LINGO2: variants seen among roughly 807,000 people sequenced by gnomAD.
LINGO2 encodes leucine-rich repeat and immunoglobulin-like domain-containing nogo receptor-interacting protein 2.
In LINGO2, 14 loss-of-function variants were observed where a neutral mutation model predicts 30.6. The ratio of observed to expected loss-of-function variants is 0.46; its 90% CI spans 0.30 to 0.72. LINGO2 has a LOEUF of 0.72. Among genes scored for constraint, LINGO2 ranks in the 30% least tolerant of loss-of-function variants. The pLI is 0.07. For missense variants in LINGO2, 729 were observed against 751.7 expected (o/e 0.97, Z 0.35); for synonymous variants, 317 against 288.5 (o/e 1.10, Z -1.00).
intron 2 of LINGO2, among the ~76,000 whole-genome samples, chr9:28,444,316 C>T (rs1191158811): frequency 6.6e-6 from 1 of 152,188 alleles, no homozygotes; most frequent in African/African-American, 2.4e-5. Flanking sequence ...GTTCCCAAAA[C>T]CAAAGCTGCT....
At chr9:28,227,225 A>C (rs1320249483) in intron 4 of LINGO2, among the ~76,000 whole-genome samples, 1 of 152,106 alleles carries the variant, frequency 6.6e-6, no homozygotes, top group African/African-American at 2.4e-5. Flanking sequence ...CAGAACAAGA[A>C]GTAAAATCCA....
At chr9:28,815,917 G>A in the LINGO2 span, among the ~76,000 whole-genome samples, 3 of 152,128 alleles carry the variant, frequency 2.0e-5, no homozygotes, top group African/African-American at 7.2e-5. Flanking sequence ...GGAATACCAC[G>A]GGCTGGGTGA....
rs141242355 is a variant in LINGO2 at position 28,412,021 on chromosome 9, G to C, written c.-278-39153C>G. On this transcript the variant is annotated intron_variant, in intron 2 of 5. Coordinates refer to ENST00000379992, the Ensembl canonical transcript of LINGO2. ...TGAATTGTATAATGGTGAAGTCTGG[G>C]ATTTTAGTGTACCCATTACCTGAGT... is the stretch of plus-strand genomic sequence containing the variant. Among the ~76,000 whole-genome samples, 821 of 151,870 alleles carry C rather than the reference G, an allele frequency of 5.4e-3. 8 individuals are homozygous for C. The highest frequency in any genetic ancestry group is 0.018 in the African/African-American group (754 of 41,474).
chr9:28,916,940 G>A, the LINGO2 span, among the ~76,000 whole-genome samples: 11 of 152,262 alleles, frequency 7.2e-5, no homozygotes, highest in African/African-American at 2.4e-4. Context: ...CCAATACTGG[G>A]GAAAGTGCTC....
the LINGO2 span, among the ~76,000 whole-genome samples, chr9:28,830,594 C>T: frequency 2.0e-5 from 3 of 152,090 alleles, no homozygotes; most frequent in Admixed American, 6.6e-5. Flanking sequence ...GGTAAGAGAA[C>T]CCAACTCCCT....
chr9:28,823,274 T>A, the LINGO2 span, among the ~76,000 whole-genome samples: 4 of 152,272 alleles, frequency 2.6e-5, no homozygotes, highest in African/African-American at 9.6e-5. Context: ...GAAGCAACAT[T>A]ACAAACTATG....
the LINGO2 span, among the ~76,000 whole-genome samples, chr9:29,085,313 A>G: frequency 0.18 from 24,184 of 135,278 alleles, 2,509 homozygotes; most frequent in African/African-American, 0.23. Context: ...AAAAAAAAAG[A>G]ATAAATTAAA....
chr9:28,242,773 T>C (rs1821846440), intron 4 of LINGO2, among the ~76,000 whole-genome samples: 1 of 152,108 alleles, frequency 6.6e-6, no homozygotes, highest in Non-Finnish European at 1.5e-5. Flanking sequence ...ACAGCAGACC[T>C]CTCAGCAGAA....
chr9:28,414,601 G>T (rs377152034), intron 2 of LINGO2, among the ~76,000 whole-genome samples: 4 of 152,144 alleles, frequency 2.6e-5, no homozygotes, highest in Admixed American at 2.6e-4. Flanking sequence ...AACCTTTAGA[G>T]TCCCCGAAAC....
chr9:28,435,508 G>C (rs990126577), intron 2 of LINGO2, among the ~76,000 whole-genome samples: 1 of 152,154 alleles, frequency 6.6e-6, no homozygotes, highest in Non-Finnish European at 1.5e-5. Context: ...TCTCTGGACT[G>C]TGAGGTTTGA....
At chr9:28,438,103 C>T (rs1179340334) in intron 2 of LINGO2, among the ~76,000 whole-genome samples, 3 of 151,984 alleles carry the variant, frequency 2.0e-5, no homozygotes, top group Non-Finnish European at 4.4e-5. Context: ...TGATGGTTCC[C>T]TTTCTGATTA....
the LINGO2 span, among the ~76,000 whole-genome samples, chr9:29,137,664 T>G: frequency 6.6e-6 from 1 of 152,180 alleles, no homozygotes; most frequent in Admixed American, 6.6e-5. Flanking sequence ...AAATTTGGCC[T>G]GCAATTAGCC....
chr9:28,168,628 T>C (rs1377047), intron 4 of LINGO2, among the ~76,000 whole-genome samples: 151,108 of 152,366 alleles, frequency 0.99, 74,948 homozygotes, highest in Middle Eastern at 1. Context: ...AATGGGCAAG[T>C]AACGTTTGTG....
chr9:28,001,807 A>G (rs1445191717), intron 5 of LINGO2, among the ~76,000 whole-genome samples: 1 of 152,210 alleles, frequency 6.6e-6, no homozygotes, highest in Non-Finnish European at 1.5e-5. Context: ...TAGTCAGGAA[A>G]AAAAGGATGA....
chr9:28,063,566 T>C (rs746864753), intron 4 of LINGO2, among the ~76,000 whole-genome samples: 45 of 152,048 alleles, frequency 3.0e-4, no homozygotes, highest in Non-Finnish European at 5.0e-4. Flanking sequence ...ATAAGGAAAT[T>C]GAGACTCAGA....
At chr9:28,814,716 T>A in the LINGO2 span, among the ~76,000 whole-genome samples, 6 of 152,120 alleles carry the variant, frequency 3.9e-5, no homozygotes, top group African/African-American at 1.4e-4. Context: ...TGAAACCCTG[T>A]CTCTACTAAA....
chr9:28,391,505 T>A (rs1426455495), intron 2 of LINGO2, among the ~76,000 whole-genome samples: 1 of 152,166 alleles, frequency 6.6e-6, no homozygotes, highest in East Asian at 1.9e-4. Context: ...TGATTTATCA[T>A]TTCCTTACCA....
chr9:28,164,378 T>C (rs1035347569), intron 4 of LINGO2, among the ~76,000 whole-genome samples: 1 of 152,190 alleles, frequency 6.6e-6, no homozygotes, highest in Non-Finnish European at 1.5e-5. Flanking sequence ...CCAGAAGCTA[T>C]CCTAAGATTT....
the LINGO2 span, among the ~76,000 whole-genome samples, chr9:29,123,441 C>A: frequency 6.6e-6 from 1 of 151,868 alleles, no homozygotes; most frequent in Non-Finnish European, 1.5e-5. Context: ...ATGTAACTTC[C>A]AGCTCAAAAT....
Sources: allele counts gnomAD v4.1 joint callset (sites outside exome capture counted in the v4.1 genomes callset), GRCh38; gene constraint gnomAD v4.1.1; transcripts MANE v1.5; gene names NCBI Gene and HGNC (gene_info 2026-07-23, HGNC 2026-07-21).